The following CACNA2D3 variants were observed in gnomAD, a reference collection of about 807,000 sequenced individuals.
The protein encoded by CACNA2D3 is voltage-dependent calcium channel subunit alpha-2/delta-3.
CACNA2D3 carries 60 observed loss-of-function variants against 160.6 expected under a neutral mutation model. The ratio of observed to expected loss-of-function variants is 0.37; its 90% CI spans 0.30 to 0.46. The LOEUF is 0.46. Ranked by LOEUF, CACNA2D3 falls within the 20% of genes least tolerant of loss-of-function variation. CACNA2D3 has a pLI of 1.00. For missense variants in CACNA2D3, 1,205 were observed against 1,365.0 expected (o/e 0.88, Z 1.85); for synonymous variants, 558 against 492.9 (o/e 1.13, Z -1.75).
In CACNA2D3 at chr3:54,503,523, A is replaced by G; in HGVS notation, c.413A>G (p.Glu138Gly). Reference sequence around the variant, plus strand: ...TACTTCAATGCTGTGCTGATAAATGAAAGGGACAAAGACGGGAATTTTTTG... The same window carrying G: ...TACTTCAATGCTGTGCTGATAAATGGAAGGGACAAAGACGGGAATTTTTTG... ...YEYFNAVLIN[E>G]RDKDGNFLEL... The change falls in exon 5 of 38, where the codon GAA becomes GGA. Residue 138 changes from glutamate (E) to glycine (G), a missense_variant. Glu to Gly is a moderately conservative substitution (Grantham distance 98). Around this residue, in one of 3 missense-constraint regions of CACNA2D3, gnomAD observed 131 missense variants for 201.5 expected, o/e 0.65. Coordinates refer to ENST00000474759, the MANE Select transcript of CACNA2D3 (RefSeq NM_018398.3). The G allele has an allele frequency of 6.2e-7, 1 of 1,613,966 alleles. No individual in the cohort carries two copies.
chr3:54,469,996 G>A (rs930890090), intron 4 of CACNA2D3, among the ~76,000 whole-genome samples: 2 of 152,182 alleles, frequency 1.3e-5, no homozygotes, highest in African/African-American at 4.8e-5. Flanking sequence ...AACCAAGTTG[G>A]AAAACACTCT....
chr3:54,727,688 A>G (rs1259212033), intron 11 of CACNA2D3, among the ~76,000 whole-genome samples: 4 of 152,184 alleles, frequency 2.6e-5, no homozygotes, highest in African/African-American at 4.8e-5. Flanking sequence ...GTTCTCACTC[A>G]TAAGTGGGAG....
chr3:54,452,076 G>A (rs1369278233), intron 4 of CACNA2D3, among the ~76,000 whole-genome samples: 1 of 152,160 alleles, frequency 6.6e-6, no homozygotes, highest in African/African-American at 2.4e-5. Context: ...TTCTGTTCAT[G>A]AAAATATATT....
At chr3:54,346,413 T>C (rs1389062970) in intron 3 of CACNA2D3, among the ~76,000 whole-genome samples, 5 of 152,228 alleles carry the variant, frequency 3.3e-5, no homozygotes, top group Admixed American at 3.3e-4. Flanking sequence ...GCCATAGTTA[T>C]CTGTTTCCTC....
At position 54,809,509 on chromosome 3, in the gene CACNA2D3, G is replaced by A. The variant is rs1210215971; in HGVS notation, c.1381-7344G>A. Among the ~76,000 whole-genome samples, 7 of 143,234 alleles carry A rather than the reference G, an allele frequency of 4.9e-5. No homozygotes were observed. In the South Asian group the frequency reaches 6.5e-4, roughly 13 times the overall value. The allele number at this position is 143,234 out of a possible 152,430, so 94.0% of individuals were successfully genotyped here. ...AATTTTTTGTATTTTTAGTAGAGAC[G>A]GGGTTTCACCTTGTTAGCCAGGATG... On this transcript the variant is annotated intron_variant, in intron 13 of 37. Transcript: ENST00000474759.
At chr3:55,055,214 C>G (rs748342302) in intron 35 of CACNA2D3, among the ~76,000 whole-genome samples, 14 of 151,972 alleles carry the variant, frequency 9.2e-5, no homozygotes, top group East Asian at 1.9e-4. Context: ...AGTCTTTAAT[C>G]TATTTTGAGT....
rs548495182 is a variant in CACNA2D3, at chr3:54,816,076, G to A, written c.1381-777G>A. On this transcript the variant is annotated intron_variant, in intron 13 of 37. Transcript: ENST00000474759. ...TTTTTCCACATACCTATTAATTTCAGTTCCTCGCCTGTGCCATTGGGAAAG... is the reference window on the plus strand; with the variant it reads ...TTTTTCCACATACCTATTAATTTCAATTCCTCGCCTGTGCCATTGGGAAAG... 2.0e-5 allele frequency among the ~76,000 whole-genome samples: 3 copies of A among 152,238 alleles called. No homozygotes were observed. The South Asian group carries it at 6.2e-4, about 32-fold the overall frequency.
intron 3 of CACNA2D3, among the ~76,000 whole-genome samples, chr3:54,373,739 A>G (rs11711662): frequency 0.36 from 54,210 of 151,970 alleles, 10,006 homozygotes; most frequent in African/African-American, 0.45. Context: ...TGATCCTTGG[A>G]GAGGATCCTG....
chr3:54,806,542 T>C (rs568053106), intron 13 of CACNA2D3, among the ~76,000 whole-genome samples: 2 of 151,456 alleles, frequency 1.3e-5, no homozygotes, highest in East Asian at 3.9e-4. Context: ...CACTGCTCAA[T>C]GAAATAAAAG....
At chr3:54,917,255 G>T (rs1260606338) in intron 27 of CACNA2D3, among the ~76,000 whole-genome samples, 3 of 152,190 alleles carry the variant, frequency 2.0e-5, no homozygotes, top group Non-Finnish European at 4.4e-5. Context: ...TTAAAATGAT[G>T]ATTCAATTTA....
chr3:54,181,703 C>T (rs1340715615), intron 2 of CACNA2D3, among the ~76,000 whole-genome samples: 2 of 152,114 alleles, frequency 1.3e-5, no homozygotes, highest in African/African-American at 4.8e-5. Flanking sequence ...TAAATTATTT[C>T]ATTTACTTTT....
At chr3:54,169,708 AGT>A (rs1465552826) in intron 2 of CACNA2D3, among the ~76,000 whole-genome samples, 1 of 150,530 alleles carries the variant, frequency 6.6e-6, no homozygotes, top group Non-Finnish European at 1.5e-5. Context: ...TGTGTGTGCA[AGT>A]GTGCATGTGT....
chr3:54,919,261 C>G (rs1435275549), intron 27 of CACNA2D3, among the ~76,000 whole-genome samples: 1 of 152,094 alleles, frequency 6.6e-6, no homozygotes, highest in Non-Finnish European at 1.5e-5. Context: ...CTAGTGAGCC[C>G]CACAGACAAG....
At chr3:54,953,790 G>C (rs138586356) in intron 27 of CACNA2D3, among the ~76,000 whole-genome samples, 4 of 152,094 alleles carry the variant, frequency 2.6e-5, no homozygotes, top group African/African-American at 7.2e-5. Context: ...GTGGGTGAGG[G>C]GGGTGCACTG....
chr3:54,574,173 C>T (rs1377830030), intron 8 of CACNA2D3, among the ~76,000 whole-genome samples: 6 of 152,210 alleles, frequency 3.9e-5, no homozygotes, highest in Admixed American at 6.5e-5. Context: ...GGAGATAGCT[C>T]ACTGTTTTAG....
chr3:54,533,159 C>T (rs1352199574), intron 5 of CACNA2D3, among the ~76,000 whole-genome samples: 1 of 152,100 alleles, frequency 6.6e-6, no homozygotes, highest in Non-Finnish European at 1.5e-5. Context: ...CTTTCAAAGC[C>T]ACCTAGCCTC....
intron 31 of CACNA2D3, among the ~76,000 whole-genome samples, chr3:54,999,334 CTT>C (rs1702930393): frequency 6.6e-6 from 1 of 152,316 alleles, no homozygotes; most frequent in East Asian, 1.9e-4. Context: ...GCGACGGTCT[CTT>C]TGTTAAGAAT....
rs959906592 is a variant in CACNA2D3 at position 54,371,450 on chromosome 3, A to G, written c.322-15265A>G. The stretch of plus-strand genomic sequence containing the variant: ...TTTTTTCTAACAACTTCATCGAGAT[A>G]TAATTTACATATAATACAATTTGCT... On this transcript the variant is annotated intron_variant, in intron 3 of 37. Coordinates refer to ENST00000474759, the MANE Select transcript of CACNA2D3 (RefSeq NM_018398.3). Among the ~76,000 whole-genome samples the G allele has an allele frequency of 2.6e-5, 4 of 152,352 alleles. 1 individual carries two copies. Among genetic ancestry groups the G allele is most frequent in the Admixed American group, 2.6e-4 (4 of 15,300 alleles).
chr3:54,493,555 A>G (rs965902935), intron 4 of CACNA2D3, among the ~76,000 whole-genome samples: 9 of 151,968 alleles, frequency 5.9e-5, no homozygotes, highest in African/African-American at 2.2e-4. Context: ...GATATGTCCT[A>G]TTCCCTTCCC....
Sources: gnomAD v4.1 joint callset for allele counts (sites outside exome capture counted in the v4.1 genomes callset) on GRCh38, gnomAD v4.1.1 for gene constraint, gnomAD v4.1.1 regional missense constraint, MANE v1.5 for transcripts, NCBI Gene and HGNC (gene_info 2026-07-23, HGNC 2026-07-21) for gene names.